Variants in KANTR observed in about 807,000 individuals in gnomAD.
KANTR encodes the protein KDM5C adjacent transcript.
intron 1 of KANTR, among the ~76,000 whole-genome samples, chrX:53,098,831 T>C (rs1932866437): frequency 9.1e-6 from 1 of 110,311 alleles, no homozygotes; most frequent in South Asian, 3.8e-4. Context: ...GCTCAAGCAA[T>C]CTTCCCACCT....
At chrX:53,111,972 TA>T (rs202030122) in intron 2 of KANTR, among the ~76,000 whole-genome samples, 1,406 of 111,691 alleles carry the variant, frequency 0.013, 22 homozygotes, top group African/African-American at 0.044. Flanking sequence ...GTTTTTTAAT[TA>T]TTTTTTTTTA....
downstream of KANTR, among the ~76,000 whole-genome samples, chrX:53,128,349 A>G (rs1157133196): frequency 9.0e-6 from 1 of 111,687 alleles, no homozygotes; most frequent in African/African-American, 3.3e-5. Context: ...GTGCAGTAAC[A>G]CTGGTAGGAA....
rs192527160 is a variant in KANTR at position 53,107,936 on chromosome X, C to G, written c.-805+8328C>G. Among the ~76,000 whole-genome samples the G allele has an allele frequency of 4.7e-5, 5 of 105,938 alleles. 1 individual carries two copies. The highest frequency in any genetic ancestry group is 1.9e-4 in the African/African-American group (5 of 26,048). The allele number at this position is 105,938 out of a possible 115,157, so 92.0% of individuals were successfully genotyped here. A position where few individuals can be genotyped will look rare whatever the true frequency, so the allele number is the denominator to read the frequency against. On this transcript the variant is annotated intron_variant, in intron 2 of 2. Transcript: ENST00000604062. ...ACGGAGTCTCACTCTGTCACCCAGGCTGGAGTGCAGTGGGGCGCTCTTGGC... is the reference window on the plus strand; with the variant it reads ...ACGGAGTCTCACTCTGTCACCCAGGGTGGAGTGCAGTGGGGCGCTCTTGGC...
At chrX:53,127,202 C>T (rs1027663989) in exon 3 of KANTR, 1 of 112,278 alleles carries the variant, frequency 8.9e-6, no homozygotes. Flanking sequence ...TATCTAAAAT[C>T]GCCCCATCAC....
At chrX:53,110,653 C>T (rs1230844903) in intron 2 of KANTR, among the ~76,000 whole-genome samples, 1 of 111,602 alleles carries the variant, frequency 9.0e-6, no homozygotes, top group Non-Finnish European at 1.9e-5. Flanking sequence ...GGCCGGGCGC[C>T]GTGGCTCACG....
chrX:53,112,334 T>C (rs782260927), intron 2 of KANTR, among the ~76,000 whole-genome samples: 1 of 112,527 alleles, frequency 8.9e-6, no homozygotes, highest in Non-Finnish European at 1.9e-5. Flanking sequence ...TAGTATTCCA[T>C]GGTGTATATA....
intron 2 of KANTR, among the ~76,000 whole-genome samples, chrX:53,136,644 C>T (rs1933424101): frequency 1.4e-5 from 1 of 73,562 alleles, no homozygotes; most frequent in East Asian, 4.7e-4. Flanking sequence ...GGGCTTGAGG[C>T]TCAGCCTCCC....
downstream of KANTR, chrX:53,143,594 C>T (rs1306665195): frequency 2.8e-5 from 18 of 650,106 alleles, no homozygotes; most frequent in East Asian, 1.3e-4. Context: ...CGAGGGGCCT[C>T]GGCCAACAGC....
exon 3 of KANTR, chrX:53,142,693 C>T (rs1556818644): frequency 5.4e-6 from 2 of 371,732 alleles, no homozygotes; most frequent in Non-Finnish European, 1.0e-5. Flanking sequence ...CAAATTTATA[C>T]TGCTGAATTA....
intron 2 of KANTR, among the ~76,000 whole-genome samples, chrX:53,139,421 T>C (rs925518111): frequency 1.8e-5 from 2 of 111,778 alleles, no homozygotes; most frequent in Non-Finnish European, 3.8e-5. Context: ...AAAGACACTA[T>C]GGACAAAAGT....
chrX:53,131,835 C>CTG (rs1393890986), downstream of KANTR, among the ~76,000 whole-genome samples: 3 of 112,075 alleles, frequency 2.7e-5, no homozygotes, highest in Non-Finnish European at 3.8e-5. Context: ...AGAAGTAAAA[C>CTG]TGTATTTACA....
exon 3 of KANTR, chrX:53,124,180 C>T: frequency 3.8e-6 from 1 of 266,166 alleles, no homozygotes; most frequent in Non-Finnish European, 6.6e-6. Flanking sequence ...GGTAAGATAA[C>T]AGTTTTCTAG....
intron 1 of KANTR, among the ~76,000 whole-genome samples, chrX:53,098,050 CAAAAAAAAA>C (rs782145330): frequency 2.3e-5 from 1 of 44,270 alleles, no homozygotes; most frequent in Non-Finnish European, 4.3e-5. Context: ...GACTCTGTCT[CAAAAAAAAA>C]AAAAAAAAAA....
At chrX:53,141,366 C>T (rs1439260044) in intron 2 of KANTR, among the ~76,000 whole-genome samples, 1 of 110,941 alleles carries the variant, frequency 9.0e-6, no homozygotes, top group East Asian at 2.8e-4. Context: ...TTGCCTTCCT[C>T]CTGCTCATCA....
chrX:53,115,825 C>T (rs1933115706), intron 2 of KANTR, among the ~76,000 whole-genome samples: 1 of 112,377 alleles, frequency 8.9e-6, no homozygotes, highest in Admixed American at 9.4e-5. Flanking sequence ...CCGTGCTACA[C>T]CCAGGTGCTG....
At chrX:53,142,706 C>T in exon 3 of KANTR, 3 of 391,105 alleles carry the variant, frequency 7.7e-6, no homozygotes, top group Non-Finnish European at 1.4e-5. Context: ...CTGAATTAAC[C>T]CATGCAACAA....
At chrX:53,143,961 G>A, downstream of KANTR, 1 of 291,727 alleles carries the variant, frequency 3.4e-6, no homozygotes, top group South Asian at 5.1e-5. Flanking sequence ...AAGACACGGT[G>A]TGGGGGCTGG....
At chrX:53,143,500 G>A (rs1850424243), downstream of KANTR, 37 of 596,082 alleles carry the variant, frequency 6.2e-5, 1 homozygote, top group South Asian at 6.2e-4. Flanking sequence ...GGGACAACAC[G>A]GCCTGGATGG....
intron 2 of KANTR, among the ~76,000 whole-genome samples, chrX:53,106,496 A>G (rs782054526): frequency 1.8e-5 from 2 of 109,344 alleles, no homozygotes; most frequent in South Asian, 7.8e-4. Context: ...TTGACCTCTT[A>G]GGCTCAAGTG....
Sources: allele counts gnomAD v4.1 joint callset (sites outside exome capture counted in the v4.1 genomes callset), GRCh38; gene constraint gnomAD v4.1.1; transcripts MANE v1.5; gene names NCBI Gene and HGNC (gene_info 2026-07-23, HGNC 2026-07-21).